The following INPP4B variants were observed in gnomAD, a reference collection of about 807,000 sequenced individuals.
The protein encoded by INPP4B is inositol polyphosphate 4-phosphatase type II.
In INPP4B, 55 loss-of-function variants were observed where a neutral mutation model predicts 122.5. The observed-to-expected ratio is 0.45, with a 90% CI of 0.36 to 0.56. INPP4B has a LOEUF of 0.56. Among genes scored for constraint, INPP4B ranks in the 20% least tolerant of loss-of-function variants. The pLI, the probability that INPP4B is intolerant of heterozygous loss-of-function variation, is 0.00. For synonymous variants in INPP4B, 403 were observed against 388.7 expected (o/e 1.04, Z -0.43); for missense variants, 1,000 against 1,097.7 (o/e 0.91, Z 1.26).
chr4:142,720,761 ATCTCTCTCTCTCTCTCTCTCTCTCTCTC>A (rs1175727015), intron 2 of INPP4B, among the ~76,000 whole-genome samples: 1 of 37,582 alleles, frequency 2.7e-5, no homozygotes, highest in Non-Finnish European at 4.8e-5. Context: ...TATATATATA[ATCTCTCTCTCTCTCTCTCTCTCTCTCTC>A]TCTCTCTCTC....
intron 2 of INPP4B, among the ~76,000 whole-genome samples, chr4:142,610,158 A>G (rs541607856): frequency 1.3e-5 from 2 of 152,032 alleles, no homozygotes; most frequent in Non-Finnish European, 2.9e-5. Context: ...TTTCCTCCAT[A>G]CTGTTCTCAT....
chr4:142,246,094 GTGTGTATACACACATATATATATGTGTA>G (rs1561602181), intron 11 of INPP4B, among the ~76,000 whole-genome samples: 21 of 139,092 alleles, frequency 1.5e-4, no homozygotes, highest in Non-Finnish European at 3.0e-4. Context: ...ATATATGTGT[GTGTGTATACACACATATATATATGTGTA>G]TGTATACACA....
chr4:142,691,226 A>G (rs1423661142), intron 2 of INPP4B, among the ~76,000 whole-genome samples: 1 of 152,184 alleles, frequency 6.6e-6, no homozygotes, highest in Non-Finnish European at 1.5e-5. Flanking sequence ...AGAAAACTCA[A>G]AGGAAAATGA....
At chr4:142,239,636 A>T (rs1475348436) in intron 11 of INPP4B, among the ~76,000 whole-genome samples, 2 of 152,174 alleles carry the variant, frequency 1.3e-5, no homozygotes, top group Non-Finnish European at 2.9e-5. Flanking sequence ...TGCTTCTATT[A>T]TAGTATCTCT....
At chr4:142,637,667 C>A (rs1749471620) in intron 2 of INPP4B, among the ~76,000 whole-genome samples, 1 of 152,128 alleles carries the variant, frequency 6.6e-6, no homozygotes, top group Non-Finnish European at 1.5e-5. Flanking sequence ...CATTCATGTG[C>A]AAGTTTTTGT....
At chr4:142,679,539 T>C (rs1024296249) in intron 2 of INPP4B, among the ~76,000 whole-genome samples, 2 of 151,916 alleles carry the variant, frequency 1.3e-5, no homozygotes, top group Non-Finnish European at 2.9e-5. Context: ...TAGTAAAGCA[T>C]GCATTCCAAT....
chr4:142,499,927 C>A (rs1414993313), intron 2 of INPP4B, among the ~76,000 whole-genome samples: 1 of 152,144 alleles, frequency 6.6e-6, no homozygotes, highest in Admixed American at 6.6e-5. Context: ...CTCCGTAATA[C>A]AACCGTCGCT....
chr4:142,407,473 C>T lies in INPP4B; in HGVS notation c.137-2149G>A, dbSNP rs576372447. Among the ~76,000 whole-genome samples, 12 of 152,254 alleles carry T rather than the reference C, an allele frequency of 7.9e-5. No individual in the cohort carries two copies. In the South Asian group the frequency reaches 2.1e-3, roughly 26 times the overall value. ...ATTTTATCAGAGAGACTCTCACCCTCGTTCCCCATAAAAACAGAGAAAATT... is the reference window on the plus strand; with the variant it reads ...ATTTTATCAGAGAGACTCTCACCCTTGTTCCCCATAAAAACAGAGAAAATT... On this transcript the variant is annotated intron_variant, in intron 5 of 25. Transcript: ENST00000262992.
chr4:142,065,605 C>T (rs1163812342), intron 25 of INPP4B, among the ~76,000 whole-genome samples: 1 of 152,102 alleles, frequency 6.6e-6, no homozygotes, highest in Non-Finnish European at 1.5e-5. Flanking sequence ...TCACAAAAGA[C>T]CACGAATTGT....
intron 1 of INPP4B, among the ~76,000 whole-genome samples, chr4:142,791,128 G>A (rs1776502379): frequency 6.6e-6 from 1 of 152,086 alleles, no homozygotes; most frequent in Admixed American, 6.6e-5. Context: ...TGAATTTATA[G>A]AAAGGAAATA....
At chr4:142,160,693 G>A in intron 16 of INPP4B, 132 bp from the exon 17 acceptor site, 1 of 573,700 alleles carries the variant, frequency 1.7e-6, no homozygotes. Context: ...GCCAAGGAGA[G>A]AAAATGATTC....
intron 2 of INPP4B, among the ~76,000 whole-genome samples, chr4:142,495,439 T>C (rs1476877418): frequency 6.6e-6 from 1 of 152,082 alleles, no homozygotes; most frequent in Non-Finnish European, 1.5e-5. Flanking sequence ...ACAACAGTTA[T>C]ATCAATGTTA....
chr4:142,209,792 CA>C (rs375306534), intron 12 of INPP4B, among the ~76,000 whole-genome samples: 573 of 39,498 alleles, frequency 0.015, 1 homozygote, highest in African/African-American at 0.069. Flanking sequence ...GACCCCGTCT[CA>C]AAAAAAAAAA....
intron 2 of INPP4B, among the ~76,000 whole-genome samples, chr4:142,564,596 T>C (rs1363269189): frequency 1.3e-5 from 2 of 152,070 alleles, no homozygotes; most frequent in Non-Finnish European, 2.9e-5. Context: ...AACAGTAGGG[T>C]ACATGAAAAT....
At chr4:142,568,302 A>G (rs74484023) in intron 2 of INPP4B, among the ~76,000 whole-genome samples, 8,676 of 152,156 alleles carry the variant, frequency 0.057, 301 homozygotes, top group South Asian at 0.11. Flanking sequence ...TAAGACCTGA[A>G]ACTTCATCAC....
chr4:142,116,031 A>C (rs1793149543), intron 21 of INPP4B, among the ~76,000 whole-genome samples: 3 of 152,166 alleles, frequency 2.0e-5, no homozygotes, highest in Admixed American at 6.6e-5. Flanking sequence ...GATAAAAGAG[A>C]CTTTAAACCA....
intron 2 of INPP4B, among the ~76,000 whole-genome samples, chr4:142,720,801 C>CTATA (rs1323800095): frequency 1.3e-3 from 30 of 22,348 alleles, no homozygotes; most frequent in East Asian, 6.7e-3. Flanking sequence ...CTCTCTCTCT[C>CTATA]TCTCTCTCTA....
chr4:142,716,212 A>G (rs568063180), intron 2 of INPP4B, among the ~76,000 whole-genome samples: 5 of 152,316 alleles, frequency 3.3e-5, no homozygotes, highest in Non-Finnish European at 5.9e-5. Context: ...GACTGGAGAC[A>G]TTGCTGTGGC....
intron 1 of INPP4B, among the ~76,000 whole-genome samples, chr4:142,757,359 T>A (rs1770658100): frequency 6.6e-6 from 1 of 152,158 alleles, no homozygotes; most frequent in Admixed American, 6.5e-5. Context: ...TTGACATATA[T>A]GTGATGACAT....
Sources: allele counts gnomAD v4.1 joint callset (sites outside exome capture counted in the v4.1 genomes callset), GRCh38; gene constraint gnomAD v4.1.1; transcripts MANE v1.5; gene names NCBI Gene and HGNC (gene_info 2026-07-23, HGNC 2026-07-21).